SLC35D3: variants seen among roughly 807,000 people sequenced by gnomAD.
The protein encoded by SLC35D3 is frc, fringe-like 1.
A neutral mutation model predicts 20.3 loss-of-function variants in SLC35D3; 18 were observed. The ratio of observed to expected loss-of-function variants is 0.89; its 90% CI spans 0.61 to 1.32. SLC35D3 has a LOEUF of 1.32. SLC35D3 is among the 40% of genes most tolerant of loss of function. The pLI, the probability that SLC35D3 is intolerant of heterozygous loss-of-function variation, is 0.00. For missense variants in SLC35D3, 556 were observed against 565.5 expected, an observed-to-expected ratio of 0.98 and a Z score of 0.17; for synonymous variants, 313 against 263.5, an observed-to-expected ratio of 1.19 and a Z score of -1.82.
rs1562766430 is a variant in SLC35D3 at position 136,924,520 on chromosome 6, A to T, written c.1075A>T (p.Ser359Cys). Residue 359 changes from serine to cysteine, a missense_variant, in exon 2 of 2, where the codon AGC becomes TGC. Transcript: ENST00000331858. Reference protein sequence around the residue: ...GEAAGGPAQESRQEVRGSPRG... With the variant: ...GEAAGGPAQECRQEVRGSPRG... ...GGCAGCAGGTGGCCCCGCTCAGGAGAGCAGGCAAGAGGTCAGGGGCAGCCC... is the reference window on the plus strand; with the variant it reads ...GGCAGCAGGTGGCCCCGCTCAGGAGTGCAGGCAAGAGGTCAGGGGCAGCCC... 1 of 1,613,178 alleles carries T rather than the reference A, an allele frequency of 6.2e-7. No homozygotes were observed. The highest frequency in any genetic ancestry group is 1.3e-5 in the African/African-American group (1 of 74,880).
In SLC35D3 at chr6:136,922,377, C is replaced by G. The variant is rs1342298901; in HGVS notation, c.-52C>G. On this transcript the variant is annotated 5_prime_UTR_variant, in exon 1 of 2. Coordinates refer to ENST00000331858, the MANE Select transcript of SLC35D3 (RefSeq NM_001008783.3). This position sits in a 1 kb window ranked among gnomAD's most constrained non-coding sequence, Gnocchi z 6.8. ...CCTCACTCCGCTGCTCCCGGCTCCTCGCGCGCAGGTCGCGGAGCTCCGCCA... is the reference window on the plus strand; with the variant it reads ...CCTCACTCCGCTGCTCCCGGCTCCTGGCGCGCAGGTCGCGGAGCTCCGCCA... 8.0e-6 allele frequency: 11 copies of G among 1,377,618 alleles called. No homozygotes were observed. The highest frequency in any genetic ancestry group is 1.0e-5 in the Non-Finnish European group (11 of 1,073,058). The allele number at this position is 1,377,618 out of a possible 1,614,324, so 85.3% of individuals were successfully genotyped here.
rs1348590101 is a variant in SLC35D3, at chr6:136,924,856, C to T, written c.*160C>T. 42 of 669,154 alleles carry T rather than the reference C, an allele frequency of 6.3e-5. No individual in the cohort carries two copies. The highest frequency in any genetic ancestry group is 4.1e-5 in the Non-Finnish European group (17 of 419,424). 41.5% of individuals were successfully genotyped at this position (669,154 alleles called of 1,614,324 possible). On this transcript the variant is annotated 3_prime_UTR_variant, in exon 2 of 2. Transcript: ENST00000331858. Reference sequence around the variant, plus strand: ...CTGACACAGAGCAACAAAATTAGCACCTGTGTGAATTATTTAGTGTGACTT... The same window carrying T: ...CTGACACAGAGCAACAAAATTAGCATCTGTGTGAATTATTTAGTGTGACTT...
In SLC35D3 at chr6:136,924,142, A is replaced by G. The variant is rs1197529671; in HGVS notation, c.697A>G (p.Ile233Val). ...PAMVCIFVAC[I>V]LIGCAMNFTT... Reference sequence around the variant, plus strand: ...CATGGTCTGCATCTTCGTGGCCTGCATCCTGATCGGCTGCGCCATGAACTT... The same window carrying G: ...CATGGTCTGCATCTTCGTGGCCTGCGTCCTGATCGGCTGCGCCATGAACTT... Residue 233 changes from isoleucine to valine, a missense_variant, in exon 2 of 2, where the codon ATC becomes GTC. Physicochemically the swap from Ile to Val is conservative, Grantham distance 29. Transcript: ENST00000331858. 6.2e-7 allele frequency: 1 copy of G among 1,612,728 alleles called. No homozygotes were observed. The highest frequency in any genetic ancestry group is 1.3e-5 in the African/African-American group (1 of 74,934).
rs765312973 is a variant in SLC35D3 at position 136,924,243 on chromosome 6, C to A, written c.798C>A (p.Thr266=). The change falls in exon 2 of 2, where the codon ACC becomes ACA. Residue 266 remains threonine (T), a synonymous_variant. Coordinates refer to ENST00000331858, the MANE Select transcript of SLC35D3 (RefSeq NM_001008783.3). The stretch of plus-strand genomic sequence containing the variant: ...TGGGTGTGGTGAAGAGCATCGCCAC[C>A]ATCACGGTGGGCATGGTGGCCTTCA... The part of the protein sequence containing the change: ...SFVGVVKSIA[T]ITVGMVAFSD... 6 of 1,613,962 alleles carry A rather than the reference C, an allele frequency of 3.7e-6. No homozygotes were observed. The Admixed American group carries it at 8.3e-5, about 22-fold the overall frequency.
rs1189277299 is a variant in SLC35D3, at chr6:136,923,442, C to G, written c.440-443C>G. Reference sequence around the variant, plus strand: ...TTCACTGGGGGCCAGAACAGGCGTTCTCCCCCGCGCCTGGCCCGCTCCGGG... The same window carrying G: ...TTCACTGGGGGCCAGAACAGGCGTTGTCCCCCGCGCCTGGCCCGCTCCGGG... On this transcript the variant is annotated intron_variant, in intron 1 of 1. Transcript: ENST00000331858. The surrounding 1 kb of genome is among the most constrained non-coding windows in gnomAD (Gnocchi z 6.2). 6.6e-6 allele frequency among the ~76,000 whole-genome samples: 1 copy of G among 152,124 alleles called. No individual in the cohort carries two copies. The highest frequency in any genetic ancestry group is 1.5e-5 in the Non-Finnish European group (1 of 68,014).
chr6:136,922,642 C>T lies in SLC35D3; in HGVS notation c.214C>T (p.Leu72=). 6.2e-7 allele frequency: 1 copy of T among 1,609,552 alleles called. No individual in the cohort carries two copies. Among genetic ancestry groups the T allele is most frequent in the Non-Finnish European group, 8.5e-7 (1 of 1,179,424 alleles). ...LGLIAVPPFG[L]SLARSFAGVA... is the part of the protein sequence containing the mutation. The stretch of plus-strand genomic sequence containing the variant: ...GCTCATCGCCGTGCCCCCCTTCGGT[C>T]TGAGCCTGGCGCGCTCCTTCGCGGG... Residue 72 remains leucine, a synonymous_variant, in exon 1 of 2, where the codon CTG becomes TTG. Coordinates refer to ENST00000331858, the MANE Select transcript of SLC35D3 (RefSeq NM_001008783.3). This position sits in a 1 kb window ranked among gnomAD's most constrained non-coding sequence, Gnocchi z 6.8.
chr6:136,924,481 T>C lies in SLC35D3; in HGVS notation c.1036T>C (p.Ser346Pro). Residue 346 changes from serine to proline, a missense_variant, in exon 2 of 2, where the codon TCA becomes CCA. Transcript: ENST00000331858. Reference sequence around the variant, plus strand: ...GCCCGGGGAGGGAGGAAATGGCCGGTCAGAAGGTGGGGAGGCAGCAGGTGG... The same window carrying C: ...GCCCGGGGAGGGAGGAAATGGCCGGCCAGAAGGTGGGGAGGCAGCAGGTGG... ...ELPGEGGNGR[S>P]EGGEAAGGPA... 6.2e-7 allele frequency: 1 copy of C among 1,613,368 alleles called. No individual in the cohort carries two copies. Among genetic ancestry groups the C allele is most frequent in the Non-Finnish European group, 8.5e-7 (1 of 1,179,772 alleles).
rs1334893054 is a variant in SLC35D3, at chr6:136,922,960, C to A, written c.439+93C>A. On this transcript the variant is annotated intron_variant, in intron 1 of 1. Transcript: ENST00000331858. The surrounding 1 kb of genome is among the most constrained non-coding windows in gnomAD (Gnocchi z 6.8). The stretch of plus-strand genomic sequence containing the variant: ...GGGATCACTGAGTTCAACGACCTCA[C>A]TTCCAGATGGGGAGACTGAGGCAGA... 6 of 1,298,386 alleles carry A rather than the reference C, an allele frequency of 4.6e-6. No individual in the cohort carries two copies. Among genetic ancestry groups the A allele is most frequent in the Non-Finnish European group, 5.1e-6 (5 of 973,824 alleles). The allele number at this position is 1,298,386 out of a possible 1,614,324, so 80.4% of individuals were successfully genotyped here.
At position 136,924,846 on chromosome 6, in the gene SLC35D3, A is replaced by C; in HGVS notation, c.*150A>C. 2 of 722,090 alleles carry C rather than the reference A, an allele frequency of 2.8e-6. No homozygotes were observed. The highest frequency in any genetic ancestry group is 4.3e-6 in the Non-Finnish European group (2 of 464,010). 44.7% of individuals were successfully genotyped at this position (722,090 alleles called of 1,614,324 possible). A position where few individuals can be genotyped will look rare whatever the true frequency, so the allele number is the denominator to read the frequency against. On this transcript the variant is annotated 3_prime_UTR_variant, in exon 2 of 2. Transcript: ENST00000331858. ...CTGAAAGGTACTGACACAGAGCAAC[A>C]AAATTAGCACCTGTGTGAATTATTT...
Position 136,922,884 on chromosome 6 carries a change from G to A in SLC35D3, c.439+17G>A. On this transcript the variant is annotated intron_variant, in intron 1 of 1. Coordinates refer to ENST00000331858, the MANE Select transcript of SLC35D3 (RefSeq NM_001008783.3). This position sits in a 1 kb window ranked among gnomAD's most constrained non-coding sequence, Gnocchi z 6.8. Reference sequence around the variant, plus strand: ...CCCTGGCAGGTGAGCGGGCCCCCGCGCCGACCCCCAGCCGACCCCACCCAC... The same window carrying A: ...CCCTGGCAGGTGAGCGGGCCCCCGCACCGACCCCCAGCCGACCCCACCCAC... The A allele has an allele frequency of 6.6e-7, 1 of 1,513,760 alleles. No homozygotes were observed. Among genetic ancestry groups the A allele is most frequent in the Non-Finnish European group, 8.8e-7 (1 of 1,137,086 alleles). The allele number at this position is 1,513,760 out of a possible 1,614,324, so 93.8% of individuals were successfully genotyped here. A position where few individuals can be genotyped will look rare whatever the true frequency, so the allele number is the denominator to read the frequency against.
Position 136,924,065 on chromosome 6 carries a change from C to A in SLC35D3, c.620C>A (p.Ala207Asp). The change falls in exon 2 of 2, where the codon GCC becomes GAC. Residue 207 changes from alanine (A) to aspartate (D), a missense_variant. Physicochemically the swap from Ala to Asp is moderately radical, Grantham distance 126. Coordinates refer to ENST00000331858, the MANE Select transcript of SLC35D3 (RefSeq NM_001008783.3). ...CCGCTGCTGGTCATCTGCTCCTTCGCCAGCACCGACTCCATCCACGCCTGG... is the reference window on the plus strand; with the variant it reads ...CCGCTGCTGGTCATCTGCTCCTTCGACAGCACCGACTCCATCCACGCCTGG... ...ATPLLVICSFASTDSIHAWTF... is the reference protein window; with the variant it reads ...ATPLLVICSFDSTDSIHAWTF... 6.2e-7 allele frequency: 1 copy of A among 1,610,976 alleles called. No individual in the cohort carries two copies. The highest frequency in any genetic ancestry group is 1.3e-5 in the African/African-American group (1 of 74,988).
rs1334371075 is a variant in SLC35D3, at chr6:136,924,764, T to C, written c.*68T>C. ...ATATGTTAGAAATGACGTGTTTTAA[T>C]GAGAGGCCTCCCCGTTTTATTCTTT... On this transcript the variant is annotated 3_prime_UTR_variant, in exon 2 of 2. Coordinates refer to ENST00000331858, the MANE Select transcript of SLC35D3 (RefSeq NM_001008783.3). 2 of 1,405,316 alleles carry C rather than the reference T, an allele frequency of 1.4e-6. No individual in the cohort carries two copies. The highest frequency in any genetic ancestry group is 1.4e-5 in the South Asian group (1 of 70,502). 87.1% of individuals were successfully genotyped at this position (1,405,316 alleles called of 1,614,324 possible).
chr6:136,924,275 T>G lies in SLC35D3; in HGVS notation c.830T>G (p.Val277Gly). ...ITVGMVAFSD[V>G]EPTSLFIAGV... ...GTGGGCATGGTGGCCTTCAGCGACGTGGAGCCCACCTCTCTGTTCATTGCC... is the reference window on the plus strand; with the variant it reads ...GTGGGCATGGTGGCCTTCAGCGACGGGGAGCCCACCTCTCTGTTCATTGCC... Residue 277 changes from valine (V) to glycine (G), a missense_variant, in exon 2 of 2, where the codon GTG becomes GGG. Physicochemically the swap from Val to Gly is moderately radical, Grantham distance 109. Coordinates refer to ENST00000331858, the MANE Select transcript of SLC35D3 (RefSeq NM_001008783.3). 1 of 1,614,142 alleles carries G rather than the reference T, an allele frequency of 6.2e-7. No homozygotes were observed. The highest frequency in any genetic ancestry group is 8.5e-7 in the Non-Finnish European group (1 of 1,180,048).
In SLC35D3 at chr6:136,924,375, C is replaced by A. The variant is rs766193247; in HGVS notation, c.930C>A (p.Asn310Lys). Residue 310 changes from asparagine to lysine, a missense_variant, in exon 2 of 2, where the codon AAC (asparagine) becomes AAA (lysine). Coordinates refer to ENST00000331858, the MANE Select transcript of SLC35D3 (RefSeq NM_001008783.3). ...AKFMETRKQS[N>K]YEDLEAQPRG... ...TCATGGAGACCAGAAAGCAAAGCAA[C>A]TACGAGGACCTGGAGGCCCAGCCTC... 3.7e-6 allele frequency: 6 copies of A among 1,613,976 alleles called. No homozygotes were observed. The highest frequency in any genetic ancestry group is 1.6e-4 in the Middle Eastern group (1 of 6,084).
chr6:136,924,822 T>C lies in SLC35D3; in HGVS notation c.*126T>C. 1 of 987,988 alleles carries C rather than the reference T, an allele frequency of 1.0e-6. No homozygotes were observed. The highest frequency in any genetic ancestry group is 1.4e-6 in the Non-Finnish European group (1 of 694,358). 61.2% of individuals were successfully genotyped at this position (987,988 alleles called of 1,614,324 possible). A position where few individuals can be genotyped will look rare whatever the true frequency, so the allele number is the denominator to read the frequency against. On this transcript the variant is annotated 3_prime_UTR_variant, in exon 2 of 2. Coordinates refer to ENST00000331858, the MANE Select transcript of SLC35D3 (RefSeq NM_001008783.3). Reference sequence around the variant, plus strand: ...GGGGAAGGGAAGAAAAGAAAGAAGCTGAAAGGTACTGACACAGAGCAACAA... The same window carrying C: ...GGGGAAGGGAAGAAAAGAAAGAAGCCGAAAGGTACTGACACAGAGCAACAA...
chr6:136,922,615 G>C lies in SLC35D3; in HGVS notation c.187G>C (p.Gly63Arg), dbSNP rs764736050. Residue 63 changes from glycine (G) to arginine (R), a missense_variant, in exon 1 of 2, where the codon GGG becomes CGG. Transcript: ENST00000331858. The surrounding 1 kb of genome is among the most constrained non-coding windows in gnomAD (Gnocchi z 6.8). ...ALSLELLRRLGLIAVPPFGLS... is the reference protein window; with the variant it reads ...ALSLELLRRLRLIAVPPFGLS... The stretch of plus-strand genomic sequence containing the variant: ...GAGCCTGGAGCTGCTGCGGCGCCTC[G>C]GGCTCATCGCCGTGCCCCCCTTCGG... The C allele has an allele frequency of 5.0e-6, 8 of 1,610,894 alleles. No individual in the cohort carries two copies. The highest frequency in any genetic ancestry group is 4.0e-5 in the African/African-American group (3 of 74,898).
chr6:136,924,420 A>T lies in SLC35D3; in HGVS notation c.975A>T (p.Leu325=). Reference sequence around the variant, plus strand: ...AGCCTCGGGGAGAGGAGGCGCAGCTAAGTGGAGACCAGCTGCCGTTCGTGA... The same window carrying T: ...AGCCTCGGGGAGAGGAGGCGCAGCTTAGTGGAGACCAGCTGCCGTTCGTGA... ...EAQPRGEEAQ[L]SGDQLPFVME... is the part of the protein sequence containing the mutation. The change falls in exon 2 of 2, where the codon CTA becomes CTT. Residue 325 remains leucine, a synonymous_variant. Coordinates refer to ENST00000331858, the MANE Select transcript of SLC35D3 (RefSeq NM_001008783.3). 1 of 1,613,934 alleles carries T rather than the reference A, an allele frequency of 6.2e-7. No individual in the cohort carries two copies. Among genetic ancestry groups the T allele is most frequent in the Non-Finnish European group, 8.5e-7 (1 of 1,179,922 alleles).
chr6:136,924,453 G>A lies in SLC35D3; in HGVS notation c.1008G>A (p.Glu336=). 6.2e-7 allele frequency: 1 copy of A among 1,613,890 alleles called. No homozygotes were observed. ...ACCAGCTGCCGTTCGTGATGGAGGA[G>A]CTGCCCGGGGAGGGAGGAAATGGCC... ...SGDQLPFVME[E]LPGEGGNGRS... Residue 336 remains glutamate, a synonymous_variant, in exon 2 of 2, where the codon GAG becomes GAA. Transcript: ENST00000331858.
Position 136,924,853 on chromosome 6 carries a change from G to A in SLC35D3, c.*157G>A, listed in dbSNP as rs1776113477. 4.4e-6 allele frequency: 3 copies of A among 676,318 alleles called. No individual in the cohort carries two copies. 41.9% of individuals were successfully genotyped at this position (676,318 alleles called of 1,614,324 possible). ...GTACTGACACAGAGCAACAAAATTAGCACCTGTGTGAATTATTTAGTGTGA... is the reference window on the plus strand; with the variant it reads ...GTACTGACACAGAGCAACAAAATTAACACCTGTGTGAATTATTTAGTGTGA... On this transcript the variant is annotated 3_prime_UTR_variant, in exon 2 of 2. Transcript: ENST00000331858.
Sources: gnomAD v4.1 joint callset for allele counts (sites outside exome capture counted in the v4.1 genomes callset) on GRCh38, gnomAD v4.1.1 for gene constraint, Gnocchi (gnomAD v3.1) non-coding constraint, MANE v1.5 for transcripts, NCBI Gene and HGNC (gene_info 2026-07-23, HGNC 2026-07-21) for gene names.